The following SCN3B variants were observed in gnomAD, a reference collection of about 807,000 sequenced individuals.
SCN3B encodes the protein sodium channel regulatory subunit beta-3.
In SCN3B, 11 loss-of-function variants were observed where a neutral mutation model predicts 25.4. That is an observed-to-expected ratio of 0.43 (90% CI 0.27 to 0.72). The LOEUF is 0.72. Ranked by LOEUF, SCN3B falls within the 30% of genes least tolerant of loss-of-function variation. The probability of loss-of-function intolerance (pLI) is 0.18; values close to 1 mark genes in which losing one functional copy is unlikely to be tolerated. For missense variants in SCN3B, 218 were observed against 278.3 expected, an observed-to-expected ratio of 0.78 and a Z score of 1.54; for synonymous variants, 109 against 110.7, an observed-to-expected ratio of 0.99 and a Z score of 0.09.
chr11:123,629,834 T>C lies in SCN3B; in HGVS notation c.*3965A>G, dbSNP rs1025999141. On this transcript the variant is annotated 3_prime_UTR_variant, in exon 7 of 7. Coordinates refer to ENST00000299333, the MANE Select transcript of SCN3B (RefSeq NM_001040151.2). ...AGGCTTCTTTTGTTTTTGTTTTTCA[T>C]TTTTTTCTTTTTTCATTTTCATGTT... is the stretch of plus-strand genomic sequence containing the variant. 5 of 152,174 alleles carry C rather than the reference T, an allele frequency of 3.3e-5. No homozygotes were observed. Among genetic ancestry groups the C allele is most frequent in the African/African-American group, 7.2e-5 (3 of 41,438 alleles). The allele number at this position is 152,174 out of a possible 1,614,324, so 9.4% of individuals were successfully genotyped here.
chr11:123,634,064 C>A, intron 6 of SCN3B, 57 bp downstream of exon 6: 1 of 1,391,420 alleles, frequency 7.2e-7, no homozygotes, highest in South Asian at 1.2e-5. Flanking sequence ...GCAACAAAGT[C>A]ACTTGTACAA....
At chr11:123,649,275 T>C (rs944708439) in intron 2 of SCN3B, among the ~76,000 whole-genome samples, 2 of 152,238 alleles carry the variant, frequency 1.3e-5, no homozygotes, top group African/African-American at 4.8e-5. Flanking sequence ...TTATAGTTAA[T>C]GGAGGGAAAG....
Position 123,632,779 on chromosome 11 carries a change from C to T in SCN3B, c.*1020G>A, listed in dbSNP as rs763764650. The T allele has an allele frequency of 1.3e-5, 2 of 152,270 alleles. No individual in the cohort carries two copies. Among genetic ancestry groups the T allele is most frequent in the African/African-American group, 4.8e-5 (2 of 41,404 alleles). The allele number at this position is 152,270 out of a possible 1,614,324, so 9.4% of individuals were successfully genotyped here. On this transcript the variant is annotated 3_prime_UTR_variant, in exon 7 of 7. Coordinates refer to ENST00000299333, the MANE Select transcript of SCN3B (RefSeq NM_001040151.2). ...CTCTAGCCTAGGTGACAGAGTGAGA[C>T]TCCATCTCAAACAAAAAAAACAAAA... is the stretch of plus-strand genomic sequence containing the variant.
chr11:123,646,263 T>A lies in SCN3B; in HGVS notation c.56-513A>T, dbSNP rs72553919. On this transcript the variant is annotated intron_variant, in intron 2 of 6. Transcript: ENST00000299333. Reference sequence around the variant, plus strand: ...TAGGATTAAACCAGACCACAGCAAGTAACACACTCATGATATATTCTGTTC... The same window carrying A: ...TAGGATTAAACCAGACCACAGCAAGAAACACACTCATGATATATTCTGTTC... Among the ~76,000 whole-genome samples, 478 of 152,364 alleles carry A rather than the reference T, an allele frequency of 3.1e-3. 11 individuals are homozygous for A. The highest frequency in any genetic ancestry group is 0.029 in the Admixed American group (437 of 15,304).
rs1056337033 is a variant in SCN3B at position 123,633,048 on chromosome 11, G to A, written c.*751C>T. Reference sequence around the variant, plus strand: ...ACAGGGAGGGCACACATACATTATCGCAATAGGATCAGGAACGTGTCCAGA... The same window carrying A: ...ACAGGGAGGGCACACATACATTATCACAATAGGATCAGGAACGTGTCCAGA... On this transcript the variant is annotated 3_prime_UTR_variant, in exon 7 of 7. Coordinates refer to ENST00000299333, the MANE Select transcript of SCN3B (RefSeq NM_001040151.2). The A allele has an allele frequency of 2.0e-5, 3 of 152,174 alleles. No individual in the cohort carries two copies. The highest frequency in any genetic ancestry group is 4.8e-5 in the African/African-American group (2 of 41,454). The allele number at this position is 152,174 out of a possible 1,614,324, so 9.4% of individuals were successfully genotyped here.
At chr11:123,639,343 C>A (rs936436190) in intron 4 of SCN3B, 5 of 152,294 alleles carry the variant, frequency 3.3e-5, no homozygotes, top group South Asian at 2.1e-4. Flanking sequence ...ACTTCTCATG[C>A]GGAGCTATTC....
chr11:123,648,591 T>A (rs1251528136), intron 2 of SCN3B, among the ~76,000 whole-genome samples: 2 of 151,160 alleles, frequency 1.3e-5, no homozygotes, highest in Non-Finnish European at 3.0e-5. Flanking sequence ...TAAAAAGTGC[T>A]GTGAGAAAAA....
At chr11:123,647,600 A>G (rs1235558657) in intron 2 of SCN3B, among the ~76,000 whole-genome samples, 2 of 152,218 alleles carry the variant, frequency 1.3e-5, no homozygotes, top group Non-Finnish European at 1.5e-5. Context: ...AAAAAAAAGA[A>G]ATAATACACA....
At chr11:123,639,700 CTGTTA>C (rs755511797) in intron 4 of SCN3B, 2 of 152,180 alleles carry the variant, frequency 1.3e-5, no homozygotes, top group Non-Finnish European at 2.9e-5. Context: ...TCTCATCCAT[CTGTTA>C]TAAGAGTTGT....
chr11:123,645,503 T>C lies in SCN3B; in HGVS notation c.219+84A>G, dbSNP rs1591348010. On this transcript the variant is annotated intron_variant, in intron 3 of 6. Transcript: ENST00000299333. ...AGAGAAGGAGCCAGTGTTTGCTAGC[T>C]TGGCATCCCCCGGACTGTCAGGAGC... The C allele has an allele frequency of 7.2e-6, 10 of 1,385,910 alleles. No homozygotes were observed. The East Asian group carries it at 2.3e-4, about 32-fold the overall frequency. The allele number at this position is 1,385,910 out of a possible 1,614,324, so 85.9% of individuals were successfully genotyped here.
intron 2 of SCN3B, among the ~76,000 whole-genome samples, chr11:123,646,586 T>C (rs955463028): frequency 1.3e-5 from 2 of 152,188 alleles, no homozygotes; most frequent in Non-Finnish European, 1.5e-5. Context: ...CAAGGCAAGT[T>C]AAAATCTGGA....
At chr11:123,644,987 C>T (rs185614756) in intron 3 of SCN3B, among the ~76,000 whole-genome samples, 13 of 151,630 alleles carry the variant, frequency 8.6e-5, no homozygotes, top group Admixed American at 3.9e-4. Context: ...CTGCCAGGAG[C>T]GAATCTCTTC....
intron 2 of SCN3B, among the ~76,000 whole-genome samples, chr11:123,648,059 G>A (rs953935164): frequency 2.6e-5 from 4 of 152,316 alleles, no homozygotes; most frequent in African/African-American, 4.8e-5. Flanking sequence ...TGTGGTTTGC[G>A]CAAAAGTTTG....
intron 2 of SCN3B, among the ~76,000 whole-genome samples, chr11:123,649,161 C>T (rs190045157): frequency 6.6e-6 from 1 of 152,218 alleles, no homozygotes; most frequent in Admixed American, 6.5e-5. Context: ...AAATGAAATG[C>T]AAGAAAATGA....
chr11:123,634,073 A>C (rs1167682013), intron 6 of SCN3B, 48 bp downstream of exon 6: 2 of 1,455,666 alleles, frequency 1.4e-6, no homozygotes, highest in African/African-American at 2.8e-5. Flanking sequence ...TCACTTGTAC[A>C]ACCTGCCATC....
At chr11:123,645,968 T>C (rs971129614) in intron 2 of SCN3B, among the ~76,000 whole-genome samples, 2 of 152,128 alleles carry the variant, frequency 1.3e-5, no homozygotes, top group Non-Finnish European at 2.9e-5. Context: ...ACCTGGATGA[T>C]CTAGACATTG....
intron 4 of SCN3B, among the ~76,000 whole-genome samples, chr11:123,641,445 G>C (rs1279712087): frequency 6.6e-6 from 1 of 152,174 alleles, no homozygotes; most frequent in Non-Finnish European, 1.5e-5. Flanking sequence ...ACAACGACAT[G>C]ATAAAAAATG....
At chr11:123,644,775 G>C (rs867765032) in intron 3 of SCN3B, among the ~76,000 whole-genome samples, 7 of 95,344 alleles carry the variant, frequency 7.3e-5, no homozygotes, top group South Asian at 8.7e-4. Context: ...TTGAGAGAGA[G>C]AGAGAGAGAG....
At chr11:123,641,023 C>T (rs1247013556) in intron 4 of SCN3B, 1 of 152,306 alleles carries the variant, frequency 6.6e-6, no homozygotes, top group Non-Finnish European at 1.5e-5. Context: ...TTCCCACCAG[C>T]TATGCACGAG....
Sources: allele counts gnomAD v4.1 joint callset (sites outside exome capture counted in the v4.1 genomes callset), GRCh38; gene constraint gnomAD v4.1.1; transcripts MANE v1.5; gene names NCBI Gene and HGNC (gene_info 2026-07-23, HGNC 2026-07-21).